Variants in MRPL22 observed in about 807,000 individuals in gnomAD.
MRPL22 encodes mitochondrial ribosomal protein L22.
MRPL22 carries 27 observed loss-of-function variants against 32.4 expected under a neutral mutation model. That is an observed-to-expected ratio of 0.83 (90% CI 0.61 to 1.15). MRPL22 has a LOEUF of 1.15. Ranked by LOEUF, MRPL22 falls within the 50% of genes most tolerant of loss-of-function variation. The pLI, the probability that MRPL22 is intolerant of heterozygous loss-of-function variation, is 0.00. For synonymous variants in MRPL22, 86 were observed against 87.3 expected, an observed-to-expected ratio of 0.99 and a Z score of 0.08; for missense variants, 239 against 260.2, an observed-to-expected ratio of 0.92 and a Z score of 0.56.
chr5:154,967,082 T>C lies in MRPL22; in HGVS notation c.*185T>C. Reference sequence around the variant, plus strand: ...TTTTGAGCCTCTGGGCATATTTGTATGCATTTGCGACTTGGAAGGGGAAAT... The same window carrying C: ...TTTTGAGCCTCTGGGCATATTTGTACGCATTTGCGACTTGGAAGGGGAAAT... On this transcript the variant is annotated 3_prime_UTR_variant, in exon 7 of 7. Coordinates refer to ENST00000523037, the MANE Select transcript of MRPL22 (RefSeq NM_014180.4). This position sits in a 1 kb window ranked among gnomAD's most constrained non-coding sequence, Gnocchi z 4.7. The C allele has an allele frequency of 1.5e-6, 1 of 678,634 alleles. No individual in the cohort carries two copies. The highest frequency in any genetic ancestry group is 2.4e-6 in the Non-Finnish European group (1 of 417,096). The allele number at this position is 678,634 out of a possible 1,614,324, so 42.0% of individuals were successfully genotyped here.
intron 2 of MRPL22, among the ~76,000 whole-genome samples, chr5:154,949,985 C>G (rs946157469): frequency 4.6e-5 from 7 of 152,126 alleles, no homozygotes; most frequent in Non-Finnish European, 1.0e-4. Flanking sequence ...GTGTATTAGT[C>G]CATTTCACAC....
intron 3 of MRPL22, among the ~76,000 whole-genome samples, chr5:154,951,812 T>C (rs904616385): frequency 6.6e-6 from 1 of 151,976 alleles, no homozygotes; most frequent in Admixed American, 6.6e-5. Flanking sequence ...TGCACAAATA[T>C]CATAAATAAA....
intron 2 of MRPL22, among the ~76,000 whole-genome samples, chr5:154,946,889 C>T (rs1296142526): frequency 6.6e-6 from 1 of 152,134 alleles, no homozygotes; most frequent in Non-Finnish European, 1.5e-5. Context: ...AACTCCTGGC[C>T]TCAAACAGTC....
chr5:154,942,102 T>A (rs923717626), intron 2 of MRPL22, among the ~76,000 whole-genome samples: 15 of 152,240 alleles, frequency 9.9e-5, no homozygotes, highest in Middle Eastern at 3.4e-3. Flanking sequence ...ATTTAAAAAA[T>A]TTTTTAATTT....
At chr5:154,964,728 T>C (rs1764744331) in intron 6 of MRPL22, among the ~76,000 whole-genome samples, 1 of 151,804 alleles carries the variant, frequency 6.6e-6, no homozygotes, top group Non-Finnish European at 1.5e-5. Context: ...CTCTGTAAGT[T>C]TGTGTTTTGG....
At chr5:154,956,246 A>G (rs1476908973) in intron 3 of MRPL22, 125 bp from the exon 4 acceptor site, 328 of 666,276 alleles carry the variant, frequency 4.9e-4, no homozygotes, top group Non-Finnish European at 4.7e-5. Context: ...TAATGTTTCT[A>G]TTTCTTATGG....
At chr5:154,966,561 G>T in intron 6 of MRPL22, 125 bp from the exon 7 acceptor site, 2 of 947,878 alleles carry the variant, frequency 2.1e-6, no homozygotes, top group East Asian at 5.1e-5. Context: ...AGACAAGCCT[G>T]CTCTAGCCAA....
intron 5 of MRPL22, among the ~76,000 whole-genome samples, chr5:154,958,724 T>C (rs1428031186): frequency 6.6e-6 from 1 of 150,724 alleles, no homozygotes; most frequent in East Asian, 2.0e-4. Context: ...TTTTTGTATT[T>C]TTAGTAGAGA....
chr5:154,941,227 G>A lies in MRPL22; in HGVS notation c.39G>A (p.Trp13Ter). The change falls in exon 2 of 7, where the codon TGG becomes TGA. Residue 13 changes from tryptophan to a stop codon, truncating the protein, a stop_gained. Coordinates refer to ENST00000523037, the MANE Select transcript of MRPL22 (RefSeq NM_014180.4). LOFTEE classifies it high-confidence loss of function. ...GTGTTGATGTTGCAGGTGCGTTATG[G>A]ATACATAACCTGAGGAGCCGGGGGA... Reference protein sequence around the residue: ...AAVLGQLGALWIHNLRSRGKL... With the variant: ...AAVLGQLGAL 1.9e-6 allele frequency: 3 copies of A among 1,613,908 alleles called. No homozygotes were observed. The highest frequency in any genetic ancestry group is 2.5e-6 in the Non-Finnish European group (3 of 1,180,028).
intron 3 of MRPL22, 107 bp downstream of exon 3, chr5:154,951,045 C>G: frequency 2.8e-6 from 2 of 713,256 alleles, no homozygotes; most frequent in Non-Finnish European, 4.8e-6. Context: ...CAACCATTCA[C>G]TCTAATTGAC....
In MRPL22 at chr5:154,957,207, A is replaced by G. The variant is rs750285793; in HGVS notation, c.334A>G (p.Lys112Glu). 3.0e-5 allele frequency: 48 copies of G among 1,612,462 alleles called. No homozygotes were observed. The highest frequency in any genetic ancestry group is 3.9e-5 in the Non-Finnish European group (46 of 1,178,670). ...TGACAAAAAAGGGGCCAAAATAATT[A>G]AAGAGGTAAACTTACAAGTTTGGGT... ...FNDKKGAKII[K>E]EVLLEAQDMA... is the part of the protein sequence containing the mutation. Residue 112 changes from lysine to glutamate, a missense_variant, in exon 5 of 7, where the codon AAA becomes GAA. Lys to Glu is a moderately conservative substitution (Grantham distance 56). Transcript: ENST00000523037.
At position 154,966,668 on chromosome 5, in the gene MRPL22, CTT is replaced by C. The variant is rs968716273; in HGVS notation, c.410-14_410-13del. On this transcript the variant is annotated splice_polypyrimidine_tract_variant and intron_variant, in intron 6 of 6. Transcript: ENST00000523037. Reference sequence around the variant, plus strand: ...GATAACACTCATTTCCTGTAATTCTCTTTTTCTTCCTGTTTAGCTGAGTCCAC... The same window carrying C: ...GATAACACTCATTTCCTGTAATTCTCTTTCTTCCTGTTTAGCTGAGTCCAC... The C allele has an allele frequency of 6.8e-6, 11 of 1,612,270 alleles. No individual in the cohort carries two copies. The highest frequency in any genetic ancestry group is 9.3e-6 in the Non-Finnish European group (11 of 1,179,540).
intron 6 of MRPL22, among the ~76,000 whole-genome samples, chr5:154,964,763 C>T (rs1409240291): frequency 2.0e-5 from 3 of 151,920 alleles, no homozygotes; most frequent in Non-Finnish European, 2.9e-5. Context: ...AAATGGGAGC[C>T]GACGTAGACC....
intron 3 of MRPL22, 36 bp downstream of exon 3, chr5:154,950,974 G>T (rs745461110): frequency 3.2e-5 from 42 of 1,314,044 alleles, no homozygotes; most frequent in Non-Finnish European, 4.6e-5. Flanking sequence ...CTTAATTGTG[G>T]TAGTGCTCTT....
Position 154,966,734 on chromosome 5 carries a change from A to G in MRPL22, c.458A>G (p.His153Arg), listed in dbSNP as rs1764771992. 6.2e-7 allele frequency: 1 copy of G among 1,614,190 alleles called. No individual in the cohort carries two copies. Among genetic ancestry groups the G allele is most frequent in the East Asian group, 2.2e-5 (1 of 44,874 alleles). ...CAGTGCCTGAAACGCATCCGCTACCATGGCAGAGGTCGCTTTGGGATCATG... is the reference window on the plus strand; with the variant it reads ...CAGTGCCTGAAACGCATCCGCTACCGTGGCAGAGGTCGCTTTGGGATCATG... ...RGQCLKRIRY[H>R]GRGRFGIMEK... Residue 153 changes from histidine to arginine, a missense_variant, in exon 7 of 7, where the codon CAT (histidine) becomes CGT (arginine). Physicochemically the swap from His to Arg is conservative, Grantham distance 29. Transcript: ENST00000523037.
intron 6 of MRPL22, among the ~76,000 whole-genome samples, chr5:154,961,651 A>C (rs1235111167): frequency 6.6e-6 from 1 of 152,176 alleles, no homozygotes; most frequent in Admixed American, 6.5e-5. Flanking sequence ...AAGCAAAAAC[A>C]TGCTTAACCA....
At chr5:154,944,009 TG>T (rs1464819358) in intron 2 of MRPL22, among the ~76,000 whole-genome samples, 2 of 152,154 alleles carry the variant, frequency 1.3e-5, no homozygotes, top group Non-Finnish European at 2.9e-5. Flanking sequence ...ATTTTACTGA[TG>T]CATACATTTG....
chr5:154,948,532 C>T (rs576815766), intron 2 of MRPL22, among the ~76,000 whole-genome samples: 1 of 152,214 alleles, frequency 6.6e-6, no homozygotes, highest in South Asian at 2.1e-4. Context: ...GTTGTCTTTT[C>T]TCTGTGTTTC....
intron 2 of MRPL22, among the ~76,000 whole-genome samples, chr5:154,943,759 C>T (rs1435213706): frequency 1.3e-5 from 2 of 151,710 alleles, no homozygotes; most frequent in Admixed American, 6.6e-5. Flanking sequence ...ACTGCAGCCT[C>T]GATTCAAGCC....
Sources: allele counts gnomAD v4.1 joint callset (sites outside exome capture counted in the v4.1 genomes callset), GRCh38; gene constraint gnomAD v4.1.1; non-coding constraint Gnocchi (gnomAD v3.1); transcripts MANE v1.5; gene names NCBI Gene and HGNC (gene_info 2026-07-23, HGNC 2026-07-21).